The following EMC3 variants were observed in gnomAD, a reference collection of about 807,000 sequenced individuals.
The protein encoded by EMC3 is 30 kDa protein.
EMC3 carries 13 observed loss-of-function variants against 36.6 expected under a neutral mutation model. That is an observed-to-expected ratio of 0.35 (90% confidence interval 0.23 to 0.56). The LOEUF (loss-of-function observed/expected upper bound fraction) is 0.56. EMC3 is among the 20% of genes least tolerant of loss of function. The probability of loss-of-function intolerance (pLI) is 0.84; values close to 1 mark genes in which losing one functional copy is unlikely to be tolerated. For synonymous variants in EMC3, 120 were observed against 111.9 expected (o/e 1.07, Z -0.46); for missense variants, 220 against 324.5 (o/e 0.68, Z 2.47).
intron 1 of EMC3, among the ~76,000 whole-genome samples, chr3:10,006,030 C>T (rs921698540): frequency 2.0e-5 from 3 of 152,198 alleles, no homozygotes; most frequent in African/African-American, 7.2e-5. Context: ...CTTGCCAGTA[C>T]ACCTGCCAGC....
intron 1 of EMC3, among the ~76,000 whole-genome samples, chr3:9,982,286 G>A (rs1257681194): frequency 6.6e-6 from 1 of 151,464 alleles, no homozygotes; most frequent in Non-Finnish European, 1.5e-5. Flanking sequence ...ACATAGTCTT[G>A]CTCTGCCGCC....
chr3:10,000,065 T>C (rs1001492889), intron 1 of EMC3, among the ~76,000 whole-genome samples: 1 of 151,902 alleles, frequency 6.6e-6, no homozygotes, highest in Non-Finnish European at 1.5e-5. Flanking sequence ...TGAGATGGAG[T>C]CTTGCTTAGT....
intron 6 of EMC3, among the ~76,000 whole-genome samples, chr3:9,970,135 G>T (rs1320630468): frequency 6.6e-6 from 1 of 152,180 alleles, no homozygotes; most frequent in Non-Finnish European, 1.5e-5. Context: ...AACCCCACAG[G>T]TTAACTAATA....
At chr3:9,991,408 A>G (rs2086050518), upstream of EMC3, among the ~76,000 whole-genome samples, 1 of 152,134 alleles carries the variant, frequency 6.6e-6, no homozygotes, top group South Asian at 2.1e-4. Flanking sequence ...TTTTCTCTTC[A>G]TATACAAGCT....
chr3:10,008,089 C>T (rs1270336138), intron 1 of EMC3, among the ~76,000 whole-genome samples: 1 of 152,164 alleles, frequency 6.6e-6, no homozygotes, highest in East Asian at 1.9e-4. Context: ...GTTTGTACCC[C>T]CAGAAAGAGG....
In EMC3 at chr3:9,973,683, G is replaced by A. The variant is rs1231168546; in HGVS notation, c.439C>T (p.Arg147Cys). ...TTKVPFPLTL[R>C]FKPMLQQGIE... ...CCTTGCTGTAACATAGGCTTAAAACGGAGGGTCAGTGGAAATGGGACCTTG... is the reference window on the plus strand; with the variant it reads ...CCTTGCTGTAACATAGGCTTAAAACAGAGGGTCAGTGGAAATGGGACCTTG... Residue 147 changes from arginine to cysteine, a missense_variant, in exon 5 of 8, where the codon CGT becomes TGT. Arg to Cys is a radical substitution (Grantham distance 180). This residue lies in a region of EMC3 where 56 missense variants were observed against 117.0 expected (regional missense o/e 0.48). Coordinates refer to ENST00000245046, the MANE Select transcript of EMC3 (RefSeq NM_001394674.1). 1.2e-6 allele frequency: 2 copies of A among 1,614,108 alleles called. No homozygotes were observed. Among genetic ancestry groups the A allele is most frequent in the Admixed American group, 1.7e-5 (1 of 59,994 alleles).
In EMC3 at chr3:10,007,724, G is replaced by T. The variant is rs553950814; in HGVS notation, c.-242+3299C>A. The T allele has an allele frequency of 2.7e-4, 318 of 1,185,080 alleles. No individual in the cohort carries two copies. In the African/African-American group the frequency reaches 4.3e-3, roughly 16 times the overall value. 73.4% of individuals were successfully genotyped at this position (1,185,080 alleles called of 1,614,324 possible). ...CGTGTCTGGCAGTGAATCTGTGGGT[G>T]CAGATGCCCATCAGCACCCATCAAG... On this transcript the variant is annotated intron_variant, in intron 1 of 8. Transcript: ENST00000470827.
intron 3 of EMC3, among the ~76,000 whole-genome samples, chr3:9,975,469 C>T (rs1295817768): frequency 6.6e-6 from 1 of 151,430 alleles, no homozygotes; most frequent in Non-Finnish European, 1.5e-5. Flanking sequence ...ATAGTGGATC[C>T]TGACAATCTT....
At chr3:9,980,121 C>A (rs992067209) in intron 1 of EMC3, among the ~76,000 whole-genome samples, 1 of 150,812 alleles carries the variant, frequency 6.6e-6, no homozygotes, top group African/African-American at 2.4e-5. Flanking sequence ...TCAAGCAATT[C>A]TCCCGCCTCA....
At chr3:9,994,639 C>T (rs1455783123) in intron 1 of EMC3, among the ~76,000 whole-genome samples, 1 of 151,728 alleles carries the variant, frequency 6.6e-6, no homozygotes, top group Non-Finnish European at 1.5e-5. Flanking sequence ...GGCGCAATCT[C>T]GGCTCACTGC....
At chr3:9,995,665 C>G (rs769626036) in intron 1 of EMC3, among the ~76,000 whole-genome samples, 9 of 151,866 alleles carry the variant, frequency 5.9e-5, no homozygotes, top group Non-Finnish European at 1.2e-4. Context: ...GAGACGGAGT[C>G]TAGCTCTGTC....
chr3:10,002,077 TG>T (rs34089105), intron 1 of EMC3, among the ~76,000 whole-genome samples: 34,159 of 151,936 alleles, frequency 0.22, 4,462 homozygotes, highest in African/African-American at 0.36. Flanking sequence ...TTTGGCAATT[TG>T]GGGGTCCCTT....
intron 2 of EMC3, 146 bp from the exon 3 acceptor site, chr3:9,977,196 C>A (rs1048059238): frequency 5.8e-6 from 5 of 860,990 alleles, no homozygotes; most frequent in Non-Finnish European, 1.8e-6. Context: ...CGACCTGACA[C>A]TTTAGCTGAG....
chr3:9,999,598 C>T (rs1354803562), intron 1 of EMC3, among the ~76,000 whole-genome samples: 1 of 152,002 alleles, frequency 6.6e-6, no homozygotes, highest in Non-Finnish European at 1.5e-5. Flanking sequence ...TATTTTGAGT[C>T]GTATGATCAC....
upstream of EMC3, chr3:9,987,306 C>T (rs2085988416): frequency 1.0e-6 from 1 of 985,500 alleles, no homozygotes; most frequent in South Asian, 4.7e-5. Flanking sequence ...CGAGGCCCCG[C>T]TCCCCTGCGA....
At chr3:10,002,022 G>A (rs969853524) in intron 1 of EMC3, among the ~76,000 whole-genome samples, 7 of 152,018 alleles carry the variant, frequency 4.6e-5, no homozygotes, top group Non-Finnish European at 1.0e-4. Context: ...TATATATATT[G>A]AAATCAGGAA....
chr3:9,964,298 G>A, intron 7 of EMC3, 101 bp from the exon 8 acceptor site: 1 of 1,512,518 alleles, frequency 6.6e-7, no homozygotes, highest in South Asian at 1.3e-5. Context: ...AAGCTGGAGT[G>A]AGCTATCTGC....
At chr3:9,976,845 T>C in intron 3 of EMC3, 112 bp downstream of exon 3, 1 of 736,852 alleles carries the variant, frequency 1.4e-6, no homozygotes. Context: ...AAGATTACTA[T>C]CTTTTGCAAT....
At chr3:9,983,309 G>C (rs965737508) in intron 1 of EMC3, among the ~76,000 whole-genome samples, 3 of 151,936 alleles carry the variant, frequency 2.0e-5, no homozygotes, top group Non-Finnish European at 4.4e-5. Context: ...CACCGTGTCT[G>C]GTTAATTTTT....
Sources: allele counts gnomAD v4.1 joint callset (sites outside exome capture counted in the v4.1 genomes callset), GRCh38; gene constraint gnomAD v4.1.1; regional missense constraint gnomAD v4.1.1; transcripts MANE v1.5; gene names NCBI Gene and HGNC (gene_info 2026-07-23, HGNC 2026-07-21).